The following PCDHGA5 variants were observed in gnomAD, a reference collection of about 807,000 sequenced individuals.
PCDHGA5 encodes protocadherin gamma subfamily A, 5.
PCDHGA5 carries 36 observed loss-of-function variants against 56.7 expected under a neutral mutation model. The observed-to-expected ratio is 0.64, with a 90% CI of 0.49 to 0.84. The LOEUF is 0.84. PCDHGA5 is among the 40% of genes least tolerant of loss of function. PCDHGA5 has a pLI of 0.00. For missense variants in PCDHGA5, 1,305 were observed against 1,201.5 expected, an observed-to-expected ratio of 1.09 and a Z score of -1.27; for synonymous variants, 563 against 520.2, an observed-to-expected ratio of 1.08 and a Z score of -1.12.
Position 141,366,146 on chromosome 5 carries a change from T to C in PCDHGA5, c.1816T>C (p.Tyr606His). ...KDSGQNAWLSYRLLKASEPGL... is the reference protein window; with the variant it reads ...KDSGQNAWLSHRLLKASEPGL... ...TTCAGGCCAGAACGCCTGGCTGTCC[T>C]ACCGCCTGCTTAAGGCCAGCGAGCC... The change falls in exon 1 of 4, where the codon TAC becomes CAC. Residue 606 changes from tyrosine to histidine, a missense_variant. Tyr to His is a moderately conservative substitution (Grantham distance 83, BLOSUM62 2). Transcript: ENST00000518069. 6.2e-7 allele frequency: 1 copy of C among 1,614,182 alleles called. No individual in the cohort carries two copies. The highest frequency in any genetic ancestry group is 1.1e-5 in the South Asian group (1 of 91,092).
At position 141,428,042 on chromosome 5, in the gene PCDHGA5, G is replaced by A; in HGVS notation, c.2421+61291G>A. The A allele has an allele frequency of 1.9e-6, 3 of 1,608,716 alleles. No individual in the cohort carries two copies. The South Asian group carries it at 3.3e-5, about 18-fold the overall frequency. On this transcript the variant is annotated intron_variant, in intron 1 of 3. Transcript: ENST00000518069. ...GCGCCGCAGAGTCCGGCTACCTGGT[G>A]ACCAAGGTGGTGGCGGTGGACGCAG...
chr5:141,451,237 A>G (rs1405567593), intron 1 of PCDHGA5, among the ~76,000 whole-genome samples: 1 of 152,198 alleles, frequency 6.6e-6, no homozygotes, highest in Non-Finnish European at 1.5e-5. Context: ...TTATTATCTC[A>G]TAAATTTTGT....
chr5:141,370,575 T>C (rs764870172), intron 1 of PCDHGA5: 17 of 1,613,766 alleles, frequency 1.1e-5, no homozygotes, highest in Admixed American at 1.7e-5. Context: ...CGTGGGGGAT[T>C]TACCTACTAG....
intron 1 of PCDHGA5, chr5:141,372,650 C>T (rs1768944912): frequency 6.2e-7 from 1 of 1,614,008 alleles, no homozygotes; most frequent in African/African-American, 1.3e-5. Context: ...CTTATTCCTA[C>T]AATCCGTGTG....
chr5:141,389,604 G>A, intron 1 of PCDHGA5: 1 of 1,613,156 alleles, frequency 6.2e-7, no homozygotes, highest in Non-Finnish European at 8.5e-7. Flanking sequence ...TGCGCTCTTC[G>A]ATATGGTGCC....
At chr5:141,371,032 C>T (rs547337082) in intron 1 of PCDHGA5, 1 of 1,614,002 alleles carries the variant, frequency 6.2e-7, no homozygotes, top group Admixed American at 1.7e-5. Context: ...CTGGTCCTCA[C>T]AGCTGTGGAT....
chr5:141,461,560 T>G (rs1355320881), intron 1 of PCDHGA5, among the ~76,000 whole-genome samples: 1 of 152,234 alleles, frequency 6.6e-6, no homozygotes, highest in African/African-American at 2.4e-5. Context: ...ATGTGTACTT[T>G]GCAAAGATAA....
intron 1 of PCDHGA5, chr5:141,393,962 CTG>C: frequency 6.2e-7 from 1 of 1,613,894 alleles, no homozygotes; most frequent in Non-Finnish European, 8.5e-7. Context: ...GTCAAGTTGT[CTG>C]TTACACACGT....
In PCDHGA5 at chr5:141,485,470, T is replaced by C; in HGVS notation, c.2422-9337T>C. ...ACCGAGAGGCACTGTGTGGGCTCAG[T>C]GCCAGCTGCATCGTGCCCCTGGAGT... On this transcript the variant is annotated intron_variant, in intron 1 of 3. Coordinates refer to ENST00000518069, the MANE Select transcript of PCDHGA5 (RefSeq NM_018918.3). This position sits in a 1 kb window ranked among gnomAD's most constrained non-coding sequence, Gnocchi z 5.7. 1.9e-6 allele frequency: 3 copies of C among 1,614,110 alleles called. No individual in the cohort carries two copies. The highest frequency in any genetic ancestry group is 2.5e-6 in the Non-Finnish European group (3 of 1,180,002).
intron 1 of PCDHGA5, chr5:141,371,857 C>G (rs1768115675): frequency 6.2e-7 from 1 of 1,613,484 alleles, no homozygotes; most frequent in Admixed American, 1.7e-5. Flanking sequence ...GGCCTTGTCT[C>G]CTACTACATC....
In PCDHGA5 at chr5:141,494,027, G is replaced by A. The variant is rs77020157; in HGVS notation, c.2422-780G>A. 1.5e-4 allele frequency among the ~76,000 whole-genome samples: 23 copies of A among 152,298 alleles called. No homozygotes were observed. In the East Asian group the frequency reaches 3.3e-3, roughly 22 times the overall value. ...ACACATCAGCCCCTTGGGAGCCCTGGAGACTTAGTTGGCCCTGCTTGGAGG... is the reference window on the plus strand; with the variant it reads ...ACACATCAGCCCCTTGGGAGCCCTGAAGACTTAGTTGGCCCTGCTTGGAGG... On this transcript the variant is annotated intron_variant, in intron 1 of 3. Coordinates refer to ENST00000518069, the MANE Select transcript of PCDHGA5 (RefSeq NM_018918.3).
intron 1 of PCDHGA5, chr5:141,399,617 T>G: frequency 6.2e-7 from 1 of 1,613,944 alleles, no homozygotes; most frequent in Non-Finnish European, 8.5e-7. Flanking sequence ...CCTCTGGCAC[T>G]GGCCTCTTAC....
intron 1 of PCDHGA5, chr5:141,390,085 A>C (rs1253804368): frequency 2.5e-6 from 4 of 1,613,916 alleles, no homozygotes. Flanking sequence ...GTTAAATCCG[A>C]ATCCGTGGTT....
rs775051431 is a variant in PCDHGA5, at chr5:141,376,309, C to T, written c.2421+9558C>T. 2.5e-6 allele frequency: 4 copies of T among 1,614,030 alleles called. No individual in the cohort carries two copies. The East Asian group carries it at 6.7e-5, about 27-fold the overall frequency. On this transcript the variant is annotated intron_variant, in intron 1 of 3. Transcript: ENST00000518069. Reference sequence around the variant, plus strand: ...GCATGCCCGGCTCGCACTTTGTGGGCGTGGAAGGGGTTCGGGCTTTCCTGC... The same window carrying T: ...GCATGCCCGGCTCGCACTTTGTGGGTGTGGAAGGGGTTCGGGCTTTCCTGC...
chr5:141,379,709 C>G (rs1200100284), intron 1 of PCDHGA5: 1 of 152,094 alleles, frequency 6.6e-6, no homozygotes, highest in Non-Finnish European at 1.5e-5. Context: ...AACATCCTGG[C>G]AGTCATGGAA....
chr5:141,446,759 G>A (rs983129633), intron 1 of PCDHGA5, among the ~76,000 whole-genome samples: 5 of 152,026 alleles, frequency 3.3e-5, no homozygotes, highest in Admixed American at 1.3e-4. Flanking sequence ...GAGCCACCGC[G>A]CCCAGCCGGT....
chr5:141,399,812 C>T (rs1561672586), intron 1 of PCDHGA5: 1 of 1,613,222 alleles, frequency 6.2e-7, no homozygotes, highest in South Asian at 1.1e-5. Context: ...CTGTACCCCG[C>T]GCTGGGTCCC....
chr5:141,493,808 C>T lies in PCDHGA5; in HGVS notation c.2422-999C>T, dbSNP rs2099750260. On this transcript the variant is annotated intron_variant, in intron 1 of 3. Transcript: ENST00000518069. The surrounding 1 kb of genome is among the most constrained non-coding windows in gnomAD (Gnocchi z 4.3). ...CTTCTCCCTGGAGTAATCTGAGATA[C>T]TCACACTCTCTGCTTCTGGGAGCAA... is the stretch of plus-strand genomic sequence containing the variant. 6.6e-6 allele frequency among the ~76,000 whole-genome samples: 1 copy of T among 152,200 alleles called. No individual in the cohort carries two copies. The highest frequency in any genetic ancestry group is 1.5e-5 in the Non-Finnish European group (1 of 68,042).
intron 1 of PCDHGA5, chr5:141,400,237 A>C (rs1375797222): frequency 3.7e-6 from 6 of 1,613,750 alleles, no homozygotes; most frequent in African/African-American, 1.3e-5. Flanking sequence ...CCTGGCCGTG[A>C]TTCTGGCCGT....
Sources: gnomAD v4.1 joint callset for allele counts (sites outside exome capture counted in the v4.1 genomes callset) on GRCh38, gnomAD v4.1.1 for gene constraint, Gnocchi (gnomAD v3.1) non-coding constraint, MANE v1.5 for transcripts, NCBI Gene and HGNC (gene_info 2026-07-23, HGNC 2026-07-21) for gene names.